The following STAB2 variants were observed in gnomAD, a reference collection of about 807,000 sequenced individuals.
STAB2 encodes stabilin 2, also known as stabilin-2.
In STAB2, 288 loss-of-function variants were observed where a neutral mutation model predicts 338.1. The ratio of observed to expected loss-of-function variants is 0.85; its 90% CI spans 0.77 to 0.94. STAB2 has a LOEUF of 0.94. STAB2 is among the 40% of genes least tolerant of loss of function. STAB2 has a pLI of 0.00. For synonymous variants in STAB2, 1,202 were observed against 1,193.3 expected, an observed-to-expected ratio of 1.01 and a Z score of -0.15; for missense variants, 3,141 against 3,210.1, an observed-to-expected ratio of 0.98 and a Z score of 0.52.
intron 27 of STAB2, among the ~76,000 whole-genome samples, chr12:103,685,482 ATGTG>A (rs146056950): frequency 1.5e-5 from 2 of 132,842 alleles, no homozygotes; most frequent in African/African-American, 2.6e-5. Flanking sequence ...GCGTGCGCGC[ATGTG>A]TGTGTGTGTG....
chr12:103,680,673 G>T (rs79471480), intron 25 of STAB2, among the ~76,000 whole-genome samples: 1,673 of 152,316 alleles, frequency 0.011, 26 homozygotes, highest in African/African-American at 0.038. Context: ...GGCTGGGGAG[G>T]CCCAGGGTGG....
At position 103,762,276 on chromosome 12, in the gene STAB2, C is replaced by G. The variant is rs370322647; in HGVS notation, c.7362C>G (p.Thr2454=). The change falls in exon 67 of 69, where the codon ACC becomes ACG. Residue 2454 remains threonine, a splice_region_variant and synonymous_variant. Transcript: ENST00000388887. ...RPLKAPPAPV[T]LTHTGLGAGI... ...CCCTTTCCTTTCTTTGTGTTCAGAC[C>G]TTGACCCACACTGGCTTGGGAGCAG... 3 of 1,614,020 alleles carry G rather than the reference C, an allele frequency of 1.9e-6. No individual in the cohort carries two copies. Among genetic ancestry groups the G allele is most frequent in the African/African-American group, 2.7e-5 (2 of 74,926 alleles).
At chr12:103,747,998 A>G (rs1362318046) in intron 58 of STAB2, among the ~76,000 whole-genome samples, 1 of 97,312 alleles carries the variant, frequency 1.0e-5, no homozygotes, top group Non-Finnish European at 2.5e-5. Context: ...CTGTCTCCAA[A>G]AAAAAAAAAA....
At chr12:103,645,899 G>A (rs753470711) in intron 9 of STAB2, among the ~76,000 whole-genome samples, 9 of 151,752 alleles carry the variant, frequency 5.9e-5, no homozygotes, top group Admixed American at 1.3e-4. Flanking sequence ...GGGGAGGGGG[G>A]GCAAAATTGC....
intron 45 of STAB2, among the ~76,000 whole-genome samples, chr12:103,725,675 T>C (rs987153770): frequency 3.9e-5 from 6 of 152,226 alleles, no homozygotes; most frequent in Non-Finnish European, 8.8e-5. Context: ...CATGTGTGTG[T>C]GTACTGAGCA....
intron 27 of STAB2, among the ~76,000 whole-genome samples, chr12:103,687,518 C>T (rs697205): frequency 0.45 from 67,855 of 151,690 alleles, 15,238 homozygotes; most frequent in East Asian, 0.53. Flanking sequence ...CCAGTACCAA[C>T]TGGGGTGGCT....
At chr12:103,594,789 A>G (rs989792907) in intron 3 of STAB2, among the ~76,000 whole-genome samples, 9 of 152,228 alleles carry the variant, frequency 5.9e-5, no homozygotes, top group Admixed American at 3.3e-4. Context: ...GATATTTGCA[A>G]AAGAAAGGAA....
chr12:103,634,754 G>A (rs1465421636), intron 6 of STAB2, among the ~76,000 whole-genome samples: 2 of 152,216 alleles, frequency 1.3e-5, no homozygotes, highest in African/African-American at 4.8e-5. Flanking sequence ...CCCCTACATG[G>A]TGATTAGGGA....
intron 25 of STAB2, 91 bp downstream of exon 25, chr12:103,677,702 C>A: frequency 6.9e-7 from 1 of 1,453,536 alleles, no homozygotes. Flanking sequence ...TTGGCTAGAA[C>A]TTACTGCAGC....
chr12:103,708,787 A>G (rs1222257127), intron 39 of STAB2, among the ~76,000 whole-genome samples: 1 of 152,250 alleles, frequency 6.6e-6, no homozygotes, highest in African/African-American at 2.4e-5. Context: ...TTCTAGGTAT[A>G]TAAGCAAATG....
At chr12:103,648,916 C>A (rs1313510424) in intron 10 of STAB2, 93 bp downstream of exon 10, 53 of 1,519,698 alleles carry the variant, frequency 3.5e-5, no homozygotes, top group Middle Eastern at 1.8e-4. Context: ...GACAGGCGAG[C>A]CTTGTCTATT....
intron 15 of STAB2, among the ~76,000 whole-genome samples, chr12:103,658,795 C>T (rs532415005): frequency 3.3e-5 from 5 of 152,286 alleles, no homozygotes; most frequent in African/African-American, 1.2e-4. Flanking sequence ...TTGCTGGGGA[C>T]ATGGTGATGG....
chr12:103,752,823 T>C (rs1412577223), intron 60 of STAB2, among the ~76,000 whole-genome samples: 1 of 152,104 alleles, frequency 6.6e-6, no homozygotes, highest in Non-Finnish European at 1.5e-5. Flanking sequence ...TTAGAGTATA[T>C]ATAACATGAA....
chr12:103,607,327 G>T (rs1957044895), intron 3 of STAB2, among the ~76,000 whole-genome samples: 1 of 151,456 alleles, frequency 6.6e-6, no homozygotes, highest in Admixed American at 6.6e-5. Context: ...CTGATGGTCT[G>T]CTCATTATCT....
At chr12:103,706,452 C>T (rs1879354828) in intron 37 of STAB2, among the ~76,000 whole-genome samples, 1 of 152,124 alleles carries the variant, frequency 6.6e-6, no homozygotes, top group Non-Finnish European at 1.5e-5. Flanking sequence ...GGAGACGGCC[C>T]CTTGGTCCTC....
chr12:103,639,727 C>T (rs74584774), intron 8 of STAB2, among the ~76,000 whole-genome samples: 1 of 87,850 alleles, frequency 1.1e-5, no homozygotes, highest in Non-Finnish European at 2.5e-5. Flanking sequence ...AAAAAAAAAA[C>T]ACTTGTTTCC....
chr12:103,630,122 T>A (rs767747664), intron 5 of STAB2, among the ~76,000 whole-genome samples: 8 of 152,132 alleles, frequency 5.3e-5, no homozygotes, highest in Non-Finnish European at 1.0e-4. Context: ...CCTTTGCTAA[T>A]CAAATGAAAT....
intron 3 of STAB2, 50 bp downstream of exon 3, chr12:103,594,560 T>C: frequency 1.4e-6 from 2 of 1,425,038 alleles, no homozygotes; most frequent in Non-Finnish European, 2.0e-6. Flanking sequence ...GGTATCTCAT[T>C]TGGTAGAAAA....
chr12:103,702,021 C>T, intron 34 of STAB2, among the ~76,000 whole-genome samples: 1 of 134,774 alleles, frequency 7.4e-6, no homozygotes, highest in South Asian at 2.4e-4. Flanking sequence ...CACACACACA[C>T]ACCCCACCCC....
Sources: allele counts gnomAD v4.1 joint callset (sites outside exome capture counted in the v4.1 genomes callset), GRCh38; gene constraint gnomAD v4.1.1; transcripts MANE v1.5; gene names NCBI Gene and HGNC (gene_info 2026-07-23, HGNC 2026-07-21).